The following RCAN1 variants were observed in gnomAD, a reference collection of about 807,000 sequenced individuals.
RCAN1 encodes the protein calcipressin-1.
A neutral mutation model predicts 22.9 loss-of-function variants in RCAN1; 11 were observed. The ratio of observed to expected loss-of-function variants is 0.48; its 90% CI spans 0.30 to 0.79. The LOEUF (loss-of-function observed/expected upper bound fraction) is 0.79, where lower values mean the gene tolerates loss of function less well. Ranked by LOEUF, RCAN1 falls within the 30% of genes least tolerant of loss-of-function variation. The pLI is 0.06. For synonymous variants in RCAN1, 136 were observed against 142.3 expected, an observed-to-expected ratio of 0.96 and a Z score of 0.32; for missense variants, 291 against 337.8, an observed-to-expected ratio of 0.86 and a Z score of 1.09.
intron 1 of RCAN1, among the ~76,000 whole-genome samples, chr21:34,545,303 G>A (rs1175091906): frequency 1.3e-5 from 2 of 152,094 alleles, no homozygotes; most frequent in Non-Finnish European, 2.9e-5. Context: ...TCCAAAACTC[G>A]GGCAGAGGAC....
rs1269928642 is a variant in RCAN1, at chr21:34,517,810, T to C, written c.*274A>G. On this transcript the variant is annotated 3_prime_UTR_variant, in exon 4 of 4. Coordinates refer to ENST00000313806, the MANE Select transcript of RCAN1 (RefSeq NM_004414.7). ...AAGAACAAGTACAAAACACTATCAT[T>C]ATCTGTTTTCTCAAGACAGTCCCAA... The C allele has an allele frequency of 2.2e-6, 1 of 464,088 alleles. No homozygotes were observed. The highest frequency in any genetic ancestry group is 3.7e-5 in the Admixed American group (1 of 27,028). 28.7% of individuals were successfully genotyped at this position (464,088 alleles called of 1,614,324 possible). A position where few individuals can be genotyped will look rare whatever the true frequency, so the allele number is the denominator to read the frequency against.
At chr21:34,561,857 C>T (rs955591181) in intron 1 of RCAN1, among the ~76,000 whole-genome samples, 3 of 152,194 alleles carry the variant, frequency 2.0e-5, no homozygotes, top group African/African-American at 7.2e-5. Context: ...AGCTGGAGCA[C>T]GCTGGGCTGC....
intron 1 of RCAN1, among the ~76,000 whole-genome samples, chr21:34,602,328 T>C (rs1365017977): frequency 6.6e-6 from 1 of 152,152 alleles, no homozygotes; most frequent in Non-Finnish European, 1.5e-5. Context: ...TTTCACTAAA[T>C]GCAGGAAGTC....
At chr21:34,588,956 T>C (rs1262171197) in intron 1 of RCAN1, among the ~76,000 whole-genome samples, 1 of 152,184 alleles carries the variant, frequency 6.6e-6, no homozygotes, top group African/African-American at 2.4e-5. Flanking sequence ...AAACCTAAAG[T>C]AGTCAAATTC....
At chr21:34,545,404 T>G (rs1454076876) in intron 1 of RCAN1, among the ~76,000 whole-genome samples, 1 of 152,186 alleles carries the variant, frequency 6.6e-6, no homozygotes, top group African/African-American at 2.4e-5. Context: ...ATTTCAGCCC[T>G]GACTAAGAAA....
chr21:34,582,747 T>G (rs2268266), intron 1 of RCAN1, among the ~76,000 whole-genome samples: 114,688 of 152,038 alleles, frequency 0.75, 43,455 homozygotes, highest in East Asian at 0.93. Context: ...GCTGCTCCAT[T>G]GAGAGGCAGA....
intron 1 of RCAN1, among the ~76,000 whole-genome samples, chr21:34,577,448 A>C (rs1749605233): frequency 6.6e-6 from 1 of 151,936 alleles, no homozygotes; most frequent in African/African-American, 2.4e-5. Context: ...AAAATACAAA[A>C]ATTGGTCAGG....
At chr21:34,529,676 A>G (rs986760335) in intron 1 of RCAN1, among the ~76,000 whole-genome samples, 3 of 152,210 alleles carry the variant, frequency 2.0e-5, no homozygotes, top group African/African-American at 7.2e-5. Context: ...AGGCAAGTAT[A>G]TTCCTGATTC....
At chr21:34,608,095 G>A (rs929714362) in intron 1 of RCAN1, among the ~76,000 whole-genome samples, 1 of 152,032 alleles carries the variant, frequency 6.6e-6, no homozygotes, top group Non-Finnish European at 1.5e-5. Context: ...ACAAGCTTAG[G>A]GCTTCTACTA....
rs574039786 is a variant in RCAN1 at position 34,577,599 on chromosome 21, A to G, written c.252+37161T>C. Among the ~76,000 whole-genome samples, 5 of 152,224 alleles carry G rather than the reference A, an allele frequency of 3.3e-5. No individual in the cohort carries two copies. In the South Asian group the frequency reaches 6.2e-4, roughly 19 times the overall value. On this transcript the variant is annotated intron_variant, in intron 1 of 3. Coordinates refer to ENST00000313806, the MANE Select transcript of RCAN1 (RefSeq NM_004414.7). ...GAGTGACAGAGCCAGACCCTGTCTC[A>G]AAAACAAACAAACAAACAAACAAAA...
At chr21:34,597,056 G>A (rs142665424) in intron 1 of RCAN1, among the ~76,000 whole-genome samples, 1 of 152,278 alleles carries the variant, frequency 6.6e-6, no homozygotes, top group East Asian at 1.9e-4. Flanking sequence ...CTTGCTGTGT[G>A]ATGTGGGCCC....
At chr21:34,582,342 C>G (rs1987641569) in intron 1 of RCAN1, among the ~76,000 whole-genome samples, 1 of 151,984 alleles carries the variant, frequency 6.6e-6, no homozygotes, top group African/African-American at 2.4e-5. Flanking sequence ...GTGACCAGTG[C>G]TATGAAGACA....
At chr21:34,590,808 C>G (rs987531446) in intron 1 of RCAN1, among the ~76,000 whole-genome samples, 1 of 152,212 alleles carries the variant, frequency 6.6e-6, no homozygotes, top group African/African-American at 2.4e-5. Context: ...AGCGTGGAAT[C>G]TCATGGATAC....
intron 1 of RCAN1, among the ~76,000 whole-genome samples, chr21:34,568,860 A>C (rs1309779265): frequency 1.3e-5 from 2 of 152,244 alleles, no homozygotes; most frequent in Non-Finnish European, 2.9e-5. Context: ...AAGACTGGGA[A>C]GAAAAAGAAG....
intron 1 of RCAN1, chr21:34,525,034 G>GTC: frequency 6.5e-7 from 1 of 1,544,010 alleles, no homozygotes; most frequent in Non-Finnish European, 8.8e-7. Flanking sequence ...CCAGGAAGAA[G>GTC]GGGATGGCGC....
At chr21:34,583,651 G>C (rs555290928) in intron 1 of RCAN1, among the ~76,000 whole-genome samples, 1 of 152,170 alleles carries the variant, frequency 6.6e-6, no homozygotes, top group South Asian at 2.1e-4. Flanking sequence ...CAAAGCTGCC[G>C]GCACCATGAT....
chr21:34,552,558 C>A (rs977593395), intron 1 of RCAN1, among the ~76,000 whole-genome samples: 16 of 152,070 alleles, frequency 1.1e-4, no homozygotes, highest in Non-Finnish European at 1.8e-4. Flanking sequence ...AAAATGTTTA[C>A]CAGGTTGCCA....
intron 1 of RCAN1, among the ~76,000 whole-genome samples, chr21:34,588,355 G>A (rs1987867660): frequency 6.6e-6 from 1 of 152,154 alleles, no homozygotes; most frequent in African/African-American, 2.4e-5. Flanking sequence ...TTCCAGGTGT[G>A]CTGGCATTGT....
At chr21:34,542,993 T>A (rs1417242781) in intron 1 of RCAN1, among the ~76,000 whole-genome samples, 1 of 152,236 alleles carries the variant, frequency 6.6e-6, no homozygotes, top group East Asian at 1.9e-4. Context: ...TCAAGTCCCA[T>A]GTGCTTCAGA....
Sources: gnomAD v4.1 joint callset for allele counts (sites outside exome capture counted in the v4.1 genomes callset) on GRCh38, gnomAD v4.1.1 for gene constraint, MANE v1.5 for transcripts, NCBI Gene and HGNC (gene_info 2026-07-23, HGNC 2026-07-21) for gene names.